Variants in SLC44A5 observed in about 807,000 individuals in gnomAD.
SLC44A5 encodes choline transporter-like protein 5.
Under a neutral mutation model 101.8 loss-of-function variants are expected in SLC44A5, and 57 were observed. The ratio of observed to expected loss-of-function variants is 0.56; its 90% CI spans 0.45 to 0.70. The LOEUF (loss-of-function observed/expected upper bound fraction) is 0.70, where lower values mean the gene tolerates loss of function less well. Ranked by LOEUF, SLC44A5 falls within the 30% of genes least tolerant of loss-of-function variation. SLC44A5 has a pLI of 0.00. For synonymous variants in SLC44A5, 281 were observed against 290.9 expected, an observed-to-expected ratio of 0.97 and a Z score of 0.35; for missense variants, 737 against 853.1, an observed-to-expected ratio of 0.86 and a Z score of 1.70.
chr1:75,649,944 A>G, the SLC44A5 span, among the ~76,000 whole-genome samples: 1 of 152,160 alleles, frequency 6.6e-6, no homozygotes, highest in East Asian at 1.9e-4. Flanking sequence ...AAGTCTTGAT[A>G]CTGGGTAATA....
At chr1:75,605,286 A>T (rs1675256543) in intron 1 of SLC44A5, among the ~76,000 whole-genome samples, 1 of 152,014 alleles carries the variant, frequency 6.6e-6, no homozygotes, top group Non-Finnish European at 1.5e-5. Context: ...AGCACTTAGG[A>T]CCTGTTCTGA....
chr1:75,374,637 G>A (rs1010834767), intron 3 of SLC44A5, among the ~76,000 whole-genome samples: 1 of 152,146 alleles, frequency 6.6e-6, no homozygotes, highest in Non-Finnish European at 1.5e-5. Context: ...CTATCTGCCA[G>A]CCCTGACTCT....
chr1:75,222,340 T>C, intron 14 of SLC44A5, 21 bp downstream of exon 14: 1 of 1,563,342 alleles, frequency 6.4e-7, no homozygotes, highest in East Asian at 2.2e-5. Flanking sequence ...TTTAGCTGAG[T>C]TTCTACATTA....
intron 5 of SLC44A5, among the ~76,000 whole-genome samples, chr1:75,278,715 T>C (rs1652136406): frequency 6.6e-6 from 1 of 152,164 alleles, no homozygotes; most frequent in Admixed American, 6.6e-5. Context: ...ACTGTGAATG[T>C]AGCAGCTTTA....
At chr1:75,339,275 C>T (rs1657683825) in intron 4 of SLC44A5, among the ~76,000 whole-genome samples, 1 of 149,062 alleles carries the variant, frequency 6.7e-6, no homozygotes, top group Non-Finnish European at 1.5e-5. Context: ...AATGAGTTTG[C>T]TTCTCTACAA....
chr1:75,267,648 T>C (rs1651108386), intron 6 of SLC44A5, among the ~76,000 whole-genome samples: 1 of 152,190 alleles, frequency 6.6e-6, no homozygotes, highest in African/African-American at 2.4e-5. Context: ...CCTCCTGGGC[T>C]CAAGCCATCC....
intron 6 of SLC44A5, among the ~76,000 whole-genome samples, chr1:75,253,563 T>C (rs187539506): frequency 6.6e-6 from 1 of 152,342 alleles, no homozygotes; most frequent in East Asian, 1.9e-4. Context: ...AACTTGGCTA[T>C]TTCACCACCC....
intron 2 of SLC44A5, among the ~76,000 whole-genome samples, chr1:75,496,392 G>C (rs146575278): frequency 2.6e-5 from 4 of 151,968 alleles, no homozygotes; most frequent in African/African-American, 9.7e-5. Context: ...TGGAAAAACT[G>C]GATATCCATA....
intron 12 of SLC44A5, among the ~76,000 whole-genome samples, chr1:75,228,880 G>A (rs1404012790): frequency 1.3e-5 from 2 of 151,330 alleles, no homozygotes; most frequent in African/African-American, 2.4e-5. Flanking sequence ...AAATTAGTTA[G>A]CATGTAGGTA....
At chr1:75,354,309 T>A (rs1164160910) in intron 3 of SLC44A5, among the ~76,000 whole-genome samples, 1 of 152,180 alleles carries the variant, frequency 6.6e-6, no homozygotes, top group Admixed American at 6.5e-5. Context: ...CCCAAACTTC[T>A]TGATTGGTGG....
chr1:75,703,900 C>T, the SLC44A5 span, among the ~76,000 whole-genome samples: 6,479 of 151,886 alleles, frequency 0.043, 187 homozygotes, highest in African/African-American at 0.087. Flanking sequence ...AAAAAAAAAA[C>T]CTCCAGGCCA....
chr1:75,351,868 A>AAAAAAAAAAAAAAAAAAG, intron 3 of SLC44A5, among the ~76,000 whole-genome samples: 1 of 58,472 alleles, frequency 1.7e-5, no homozygotes, highest in Non-Finnish European at 3.7e-5. Flanking sequence ...AAAAAAAAAA[A>AAAAAAAAAAAAAAAAAAG]AGAGAGAGAG....
At chr1:75,507,260 G>A (rs962560742) in intron 2 of SLC44A5, among the ~76,000 whole-genome samples, 4 of 152,054 alleles carry the variant, frequency 2.6e-5, no homozygotes, top group Non-Finnish European at 5.9e-5. Context: ...ATCGTGAAAG[G>A]ATGTTAGATT....
At position 75,290,605 on chromosome 1, in the gene SLC44A5, G is replaced by A. The variant is rs769725533; in HGVS notation, c.175+10007C>T. On this transcript the variant is annotated intron_variant, in intron 5 of 23. Coordinates refer to ENST00000370859, the MANE Select transcript of SLC44A5 (RefSeq NM_001130058.2). ...TGACCCATCAGCAAGAGAGTCAAAG[G>A]AAGAAATTCTACAAACTCATGCTCC... Among the ~76,000 whole-genome samples the A allele has an allele frequency of 1.4e-4, 22 of 152,098 alleles. 1 individual carries two copies. Among genetic ancestry groups the A allele is most frequent in the Non-Finnish European group, 3.2e-4 (22 of 68,014 alleles).
At chr1:75,528,661 T>C (rs1247069997) in intron 2 of SLC44A5, among the ~76,000 whole-genome samples, 1 of 152,198 alleles carries the variant, frequency 6.6e-6, no homozygotes, top group Non-Finnish European at 1.5e-5. Context: ...CTTTAATCAT[T>C]TCTCTGCTGG....
At chr1:75,238,668 C>T (rs1450356903) in intron 9 of SLC44A5, 32 bp from the exon 10 acceptor site, 1 of 1,418,886 alleles carries the variant, frequency 7.0e-7, no homozygotes, top group Admixed American at 2.1e-5. Flanking sequence ...ATTGTAATCA[C>T]TTTTCTATTT....
chr1:75,355,723 T>C (rs1022203179), intron 3 of SLC44A5, among the ~76,000 whole-genome samples: 3 of 152,206 alleles, frequency 2.0e-5, no homozygotes, highest in African/African-American at 7.2e-5. Flanking sequence ...AAAGCATTAC[T>C]CATGATTGTG....
intron 3 of SLC44A5, among the ~76,000 whole-genome samples, chr1:75,376,554 C>T (rs985884215): frequency 2.0e-5 from 3 of 152,096 alleles, no homozygotes; most frequent in African/African-American, 4.8e-5. Context: ...TGGGAGGCAC[C>T]CCCCAGCAGG....
intron 1 of SLC44A5, among the ~76,000 whole-genome samples, chr1:75,605,918 T>C (rs751589917): frequency 9.2e-5 from 14 of 151,912 alleles, no homozygotes; most frequent in Non-Finnish European, 1.3e-4. Context: ...CTTGGCAACA[T>C]TGACAATTTG....
Sources: allele counts gnomAD v4.1 joint callset (sites outside exome capture counted in the v4.1 genomes callset), GRCh38; gene constraint gnomAD v4.1.1; transcripts MANE v1.5; gene names NCBI Gene and HGNC (gene_info 2026-07-23, HGNC 2026-07-21).